LRRC7: variants seen among roughly 807,000 people sequenced by gnomAD.
LRRC7 encodes the protein leucine rich repeat containing 7, also known as leucine-rich repeat-containing protein 7.
A neutral mutation model predicts 175.7 loss-of-function variants in LRRC7; 23 were observed. That is an observed-to-expected ratio of 0.13 (90% CI 0.09 to 0.19). The LOEUF (loss-of-function observed/expected upper bound fraction) is 0.19. Among genes scored for constraint, LRRC7 ranks in the 10% least tolerant of loss-of-function variants. LRRC7 has a pLI of 1.00. For missense variants in LRRC7, 1,354 were observed against 1,904.7 expected, an observed-to-expected ratio of 0.71 and a Z score of 5.38; for synonymous variants, 685 against 680.9, an observed-to-expected ratio of 1.01 and a Z score of -0.09.
At chr1:69,595,617 GC>G (rs1557454249) in intron 1 of LRRC7, among the ~76,000 whole-genome samples, 1 of 152,180 alleles carries the variant, frequency 6.6e-6, no homozygotes, top group African/African-American at 2.4e-5. Context: ...TACTTTCCCT[GC>G]CTTGGCTTTC....
intron 26 of LRRC7, among the ~76,000 whole-genome samples, chr1:70,112,154 T>C (rs1665566978): frequency 6.6e-6 from 1 of 152,220 alleles, no homozygotes. Context: ...ACAATTCATA[T>C]AGACAGTTCA....
intron 9 of LRRC7, among the ~76,000 whole-genome samples, chr1:69,981,063 C>G (rs933729294): frequency 6.6e-6 from 1 of 152,130 alleles, no homozygotes; most frequent in Non-Finnish European, 1.5e-5. Flanking sequence ...TCCTACTTTT[C>G]CCATCTAACA....
chr1:70,038,103 G>A lies in LRRC7; in HGVS notation c.2289-10G>A. The A allele has an allele frequency of 6.3e-7, 1 of 1,582,490 alleles. No homozygotes were observed. Among genetic ancestry groups the A allele is most frequent in the Non-Finnish European group, 8.6e-7 (1 of 1,165,406 alleles). ...TCCTTTTCAATTTCTTCTTCCCATT[G>A]TGTTCACAGGATTGCACCATCTTTC... is the stretch of plus-strand genomic sequence containing the variant. On this transcript the variant is annotated splice_polypyrimidine_tract_variant and intron_variant, in intron 20 of 26. Coordinates refer to ENST00000651989, the MANE Select transcript of LRRC7 (RefSeq NM_001370785.2).
intron 8 of LRRC7, among the ~76,000 whole-genome samples, chr1:69,974,531 C>T (rs988773257): frequency 1.8e-4 from 28 of 152,230 alleles, no homozygotes; most frequent in Admixed American, 2.0e-4. Flanking sequence ...TAATTTTTAA[C>T]GGAAACAACT....
chr1:70,023,074 T>C (rs1366221541), intron 16 of LRRC7, 52 bp from the exon 17 acceptor site: 2 of 1,377,656 alleles, frequency 1.5e-6, no homozygotes, highest in South Asian at 2.2e-5. Flanking sequence ...AGTGAAAGTA[T>C]TGCTACAGTG....
At chr1:69,814,142 A>G (rs995375772) in intron 4 of LRRC7, among the ~76,000 whole-genome samples, 3 of 152,090 alleles carry the variant, frequency 2.0e-5, no homozygotes, top group Admixed American at 6.6e-5. Flanking sequence ...GTCTAATGAC[A>G]TATCTAACAA....
At chr1:69,572,705 C>G (rs974070083) in intron 1 of LRRC7, among the ~76,000 whole-genome samples, 7 of 152,030 alleles carry the variant, frequency 4.6e-5, no homozygotes, top group Admixed American at 1.3e-4. Flanking sequence ...GGTAATACAT[C>G]TCTTTTAACA....
chr1:69,852,939 A>C (rs1284265627), intron 7 of LRRC7, among the ~76,000 whole-genome samples: 2 of 152,126 alleles, frequency 1.3e-5, no homozygotes, highest in African/African-American at 4.8e-5. Flanking sequence ...AAACTGTGTA[A>C]AACACTTTGT....
chr1:69,936,684 C>T (rs1012634517), intron 8 of LRRC7, among the ~76,000 whole-genome samples: 1 of 152,016 alleles, frequency 6.6e-6, no homozygotes, highest in African/African-American at 2.4e-5. Context: ...GAGCGTAGTA[C>T]CTGACAGGTA....
rs1461569629 is a variant in LRRC7 at position 69,964,683 on chromosome 1, ATTGT to A, written c.712-15688_712-15685del. ...AGATCTAATTGGGAAAAAGTCATTC[ATTGT>A]TTGTTTGATGCTCACTTAACACTTA... On this transcript the variant is annotated intron_variant, in intron 8 of 26. Transcript: ENST00000651989. 4.6e-5 allele frequency among the ~76,000 whole-genome samples: 7 copies of A among 152,304 alleles called. No individual in the cohort carries two copies. The South Asian group carries it at 8.3e-4, about 18-fold the overall frequency.
intron 9 of LRRC7, among the ~76,000 whole-genome samples, chr1:69,983,186 A>G (rs2101892823): frequency 6.6e-6 from 1 of 152,338 alleles, no homozygotes. Flanking sequence ...CACATTTCCA[A>G]GCATGAGGAG....
chr1:70,036,289 C>A, intron 19 of LRRC7, 57 bp downstream of exon 19: 1 of 1,465,572 alleles, frequency 6.8e-7, no homozygotes, highest in South Asian at 1.2e-5. Flanking sequence ...CATGATGAAT[C>A]GCCAGTTGTA....
chr1:70,118,894 G>A (rs1558084214), intron 26 of LRRC7, among the ~76,000 whole-genome samples: 1 of 151,938 alleles, frequency 6.6e-6, no homozygotes, highest in Non-Finnish European at 1.5e-5. Context: ...CTGTCTAAAT[G>A]TTCTACATAT....
At chr1:69,804,838 A>G (rs1676929248) in intron 4 of LRRC7, among the ~76,000 whole-genome samples, 2 of 151,728 alleles carry the variant, frequency 1.3e-5, no homozygotes, top group African/African-American at 2.4e-5. Flanking sequence ...TTGTGGAGAC[A>G]ATACCTGGTC....
chr1:70,067,078 T>G (rs1044976670), intron 23 of LRRC7, among the ~76,000 whole-genome samples: 1 of 152,090 alleles, frequency 6.6e-6, no homozygotes, highest in Non-Finnish European at 1.5e-5. Context: ...CTGTATATCC[T>G]CTTTGGTAAA....
intron 2 of LRRC7, among the ~76,000 whole-genome samples, chr1:69,751,699 C>A (rs942050108): frequency 3.3e-5 from 5 of 152,084 alleles, no homozygotes; most frequent in African/African-American, 9.7e-5. Context: ...TAGTAAGAAT[C>A]ATTCATAGAA....
At chr1:70,065,206 G>GA (rs1258627040) in intron 23 of LRRC7, among the ~76,000 whole-genome samples, 2 of 151,748 alleles carry the variant, frequency 1.3e-5, no homozygotes, top group African/African-American at 2.4e-5. Flanking sequence ...ACTGTAATAC[G>GA]AAAAAAACTC....
At chr1:70,018,895 G>A (rs1050803135) in intron 15 of LRRC7, 77 bp downstream of exon 15, 27 of 1,092,524 alleles carry the variant, frequency 2.5e-5, no homozygotes, top group Non-Finnish European at 3.7e-5. Flanking sequence ...CAGATCTCTG[G>A]CCAGGAGTAC....
chr1:69,663,834 G>A (rs1320636542), intron 1 of LRRC7, among the ~76,000 whole-genome samples: 1 of 143,526 alleles, frequency 7.0e-6, no homozygotes, highest in Non-Finnish European at 1.5e-5. Flanking sequence ...CCATTCTCCT[G>A]CCTCAGCCTC....
Sources: gnomAD v4.1 joint callset for allele counts (sites outside exome capture counted in the v4.1 genomes callset) on GRCh38, gnomAD v4.1.1 for gene constraint, MANE v1.5 for transcripts, NCBI Gene and HGNC (gene_info 2026-07-23, HGNC 2026-07-21) for gene names.